Variants in ADAMTS16 observed in about 807,000 individuals in gnomAD.
ADAMTS16 encodes the protein ADAM metallopeptidase with thrombospondin type 1 motif 16.
A neutral mutation model predicts 145.8 loss-of-function variants in ADAMTS16; 94 were observed. The ratio of observed to expected loss-of-function variants is 0.64; its 90% CI spans 0.55 to 0.77. The LOEUF (loss-of-function observed/expected upper bound fraction) is 0.77, where lower values mean the gene tolerates loss of function less well. Ranked by LOEUF, ADAMTS16 falls within the 30% of genes least tolerant of loss-of-function variation. The pLI, the probability that ADAMTS16 is intolerant of heterozygous loss-of-function variation, is 0.00. For synonymous variants in ADAMTS16, 659 were observed against 604.3 expected, an observed-to-expected ratio of 1.09 and a Z score of -1.33; for missense variants, 1,585 against 1,591.5, an observed-to-expected ratio of 1.00 and a Z score of 0.07.
At chr5:5,272,426 A>G (rs984857264) in intron 18 of ADAMTS16, among the ~76,000 whole-genome samples, 1 of 146,992 alleles carries the variant, frequency 6.8e-6, no homozygotes. Flanking sequence ...CAGTGGCGCA[A>G]TCTCGGCTCA....
chr5:5,306,788 G>T (rs191183839), intron 21 of ADAMTS16, 60 bp downstream of exon 21: 4 of 1,449,426 alleles, frequency 2.8e-6, no homozygotes, highest in Non-Finnish European at 3.7e-6. Flanking sequence ...GGGGTTGGCC[G>T]CTGGCTCCCG....
chr5:5,150,485 C>T (rs1640739737), intron 3 of ADAMTS16, among the ~76,000 whole-genome samples: 1 of 152,230 alleles, frequency 6.6e-6, no homozygotes, highest in Non-Finnish European at 1.5e-5. Flanking sequence ...CTTGTCTGTG[C>T]ATGCAACATG....
Position 5,234,747 on chromosome 5 carries a change from A to G in ADAMTS16, c.1851-267A>G, listed in dbSNP as rs561881597. On this transcript the variant is annotated intron_variant, in intron 12 of 22. Transcript: ENST00000274181. ...TAGCTGGGTGTGGTGGCGTGTGCCTATAGTCCCAGCTACTCGAGAGGCTGA... is the reference window on the plus strand; with the variant it reads ...TAGCTGGGTGTGGTGGCGTGTGCCTGTAGTCCCAGCTACTCGAGAGGCTGA... 4.0e-5 allele frequency among the ~76,000 whole-genome samples: 6 copies of G among 151,678 alleles called. No homozygotes were observed. The East Asian group carries it at 5.9e-4, about 15-fold the overall frequency.
chr5:5,172,279 T>C (rs1278240646), intron 3 of ADAMTS16, among the ~76,000 whole-genome samples: 1 of 152,038 alleles, frequency 6.6e-6, no homozygotes, highest in Non-Finnish European at 1.5e-5. Flanking sequence ...ATTTTTCTTC[T>C]ATTAATTTTT....
intron 16 of ADAMTS16, among the ~76,000 whole-genome samples, chr5:5,241,617 G>T (rs1227177901): frequency 6.6e-5 from 10 of 152,132 alleles, no homozygotes; most frequent in Admixed American, 3.9e-4. Context: ...ATTTGCAGGG[G>T]ATCCCTCAGA....
At chr5:5,176,673 T>C (rs1350947775) in intron 3 of ADAMTS16, among the ~76,000 whole-genome samples, 1 of 152,136 alleles carries the variant, frequency 6.6e-6, no homozygotes, top group Non-Finnish European at 1.5e-5. Context: ...TTTGAGTAAA[T>C]CCACAGTCAA....
Position 5,252,567 on chromosome 5 carries a change from C to T in ADAMTS16, c.2663-10090C>T, listed in dbSNP as rs959081642. Among the ~76,000 whole-genome samples, 10 of 152,114 alleles carry T rather than the reference C, an allele frequency of 6.6e-5. No individual in the cohort carries two copies. In the East Asian group the frequency reaches 1.7e-3, roughly 27 times the overall value. On this transcript the variant is annotated intron_variant, in intron 17 of 22. Transcript: ENST00000274181. The stretch of plus-strand genomic sequence containing the variant: ...GCCTGAGGATCATTAGCGGACCGCC[C>T]CCCTCATATGACTTTAATCATGGTA...
rs1011089173 is a variant in ADAMTS16 at position 5,191,139 on chromosome 5, T to C, written c.1208-546T>C. Among the ~76,000 whole-genome samples, 9 of 152,190 alleles carry C rather than the reference T, an allele frequency of 5.9e-5. 1 individual carries two copies. The highest frequency in any genetic ancestry group is 2.2e-4 in the African/African-American group (9 of 41,432). On this transcript the variant is annotated intron_variant, in intron 7 of 22. Coordinates refer to ENST00000274181, the MANE Select transcript of ADAMTS16 (RefSeq NM_139056.4). ...GGACCCTTAGACGTGTGTGCCTGTT[T>C]CCCCCGACTTCTGCCCATGTGTTTT...
intron 15 of ADAMTS16, 30 bp downstream of exon 15, chr5:5,239,304 T>TG (rs1463734523): frequency 6.6e-7 from 1 of 1,513,484 alleles, no homozygotes; most frequent in African/African-American, 1.4e-5. Context: ...CTGCAAGCCT[T>TG]GGGCAAAGAA....
intron 14 of ADAMTS16, among the ~76,000 whole-genome samples, chr5:5,238,442 G>A (rs1022641320): frequency 1.3e-5 from 2 of 152,052 alleles, no homozygotes; most frequent in African/African-American, 4.8e-5. Context: ...CATTTCATAC[G>A]TCACCTTTTA....
chr5:5,228,736 A>T (rs1219720562), intron 11 of ADAMTS16, among the ~76,000 whole-genome samples: 1 of 152,236 alleles, frequency 6.6e-6, no homozygotes, highest in East Asian at 1.9e-4. Context: ...AGGAATAAAT[A>T]CTAACTTCCC....
intron 6 of ADAMTS16, among the ~76,000 whole-genome samples, chr5:5,189,372 A>G (rs916978512): frequency 2.0e-5 from 3 of 152,220 alleles, no homozygotes; most frequent in African/African-American, 7.2e-5. Context: ...ATGGAGACAG[A>G]GGAGGTTGAA....
chr5:5,183,477 C>T (rs1017464519), intron 4 of ADAMTS16, among the ~76,000 whole-genome samples: 9 of 152,318 alleles, frequency 5.9e-5, no homozygotes, highest in South Asian at 4.1e-4. Context: ...GGACAAATTC[C>T]GTATGCCAGG....
chr5:5,210,110 A>G (rs1238966651), intron 10 of ADAMTS16, among the ~76,000 whole-genome samples: 2 of 152,226 alleles, frequency 1.3e-5, no homozygotes, highest in Non-Finnish European at 2.9e-5. Flanking sequence ...AGACTGGAAC[A>G]AGATCTGTAA....
At chr5:5,297,711 CCTTTGGCTCCT>C (rs556346323) in intron 18 of ADAMTS16, among the ~76,000 whole-genome samples, 196 of 152,310 alleles carry the variant, frequency 1.3e-3, no homozygotes, top group South Asian at 4.6e-3. Flanking sequence ...CTCCTCCACA[CCTTTGGCTCCT>C]CACAGTCCCT....
chr5:5,194,453 C>T (rs958546408), intron 8 of ADAMTS16, among the ~76,000 whole-genome samples: 2 of 152,178 alleles, frequency 1.3e-5, no homozygotes, highest in African/African-American at 2.4e-5. Context: ...TTCCTTCTGT[C>T]GCCTTCACTG....
intron 3 of ADAMTS16, among the ~76,000 whole-genome samples, chr5:5,177,519 G>A (rs1735233436): frequency 6.6e-6 from 1 of 152,116 alleles, no homozygotes; most frequent in African/African-American, 2.4e-5. Flanking sequence ...AAGCTTTTTG[G>A]TTTATTTAAG....
At chr5:5,169,737 C>T (rs1734998137) in intron 3 of ADAMTS16, among the ~76,000 whole-genome samples, 1 of 152,150 alleles carries the variant, frequency 6.6e-6, no homozygotes, top group East Asian at 1.9e-4. Context: ...AGAAGCAGGT[C>T]GTCCACGCCC....
chr5:5,182,783 C>CTT (rs57501841), intron 4 of ADAMTS16, among the ~76,000 whole-genome samples: 1 of 151,988 alleles, frequency 6.6e-6, no homozygotes. Context: ...TTATCAGAGT[C>CTT]TTTTTTTGTC....
Sources: gnomAD v4.1 joint callset for allele counts (sites outside exome capture counted in the v4.1 genomes callset) on GRCh38, gnomAD v4.1.1 for gene constraint, MANE v1.5 for transcripts, NCBI Gene and HGNC (gene_info 2026-07-23, HGNC 2026-07-21) for gene names.